Variants in SAMD4A observed in about 807,000 individuals in gnomAD.
The protein encoded by SAMD4A is sterile alpha motif domain containing 4A, also known as protein Smaug homolog 1.
SAMD4A carries 33 observed loss-of-function variants against 81.3 expected under a neutral mutation model. The ratio of observed to expected loss-of-function variants is 0.41; its 90% CI spans 0.31 to 0.54. The LOEUF (loss-of-function observed/expected upper bound fraction) is 0.54, where lower values mean the gene tolerates loss of function less well. SAMD4A is among the 20% of genes least tolerant of loss of function. The probability of loss-of-function intolerance (pLI) is 0.37; values close to 1 mark genes in which losing one functional copy is unlikely to be tolerated. For synonymous variants in SAMD4A, 389 were observed against 382.1 expected (o/e 1.02, Z -0.21); for missense variants, 854 against 951.1 (o/e 0.90, Z 1.34).
intron 2 of SAMD4A, chr14:54,652,946 C>G (rs1288339714): frequency 2.0e-5 from 3 of 152,194 alleles, no homozygotes; most frequent in Admixed American, 6.5e-5. Flanking sequence ...CTCTGTTCGT[C>G]TGCTAGTTCC....
At chr14:54,712,788 C>T (rs1344034586) in intron 3 of SAMD4A, among the ~76,000 whole-genome samples, 1 of 152,174 alleles carries the variant, frequency 6.6e-6, no homozygotes, top group Non-Finnish European at 1.5e-5. Context: ...CTCCATCCCC[C>T]ATCCAGGAAG....
At chr14:54,748,726 C>T (rs2038027219) in intron 4 of SAMD4A, 89 bp from the exon 5 acceptor site, 4 of 878,446 alleles carry the variant, frequency 4.6e-6, no homozygotes, top group Non-Finnish European at 7.3e-6. Flanking sequence ...CCATCACCCT[C>T]TTTTCCTTTC....
chr14:54,606,266 C>T (rs1469097665), intron 2 of SAMD4A, among the ~76,000 whole-genome samples: 2 of 151,900 alleles, frequency 1.3e-5, no homozygotes, highest in Non-Finnish European at 1.5e-5. Flanking sequence ...TACTTCCTTG[C>T]CATGGGCCTG....
chr14:54,745,975 A>G (rs2037959036), intron 4 of SAMD4A, among the ~76,000 whole-genome samples: 1 of 152,196 alleles, frequency 6.6e-6, no homozygotes, highest in Non-Finnish European at 1.5e-5. Context: ...GCATCCAACA[A>G]TGTGGCATTT....
chr14:54,703,853 C>A (rs7159411), intron 3 of SAMD4A: 33,405 of 151,776 alleles, frequency 0.22, 4,176 homozygotes, highest in African/African-American at 0.34. Context: ...TGGGCAATAG[C>A]ATGAGTCTCA....
chr14:54,655,205 A>G lies in SAMD4A; in HGVS notation c.197-46857A>G, dbSNP rs935966332. Among the ~76,000 whole-genome samples, 3 of 152,126 alleles carry G rather than the reference A, an allele frequency of 2.0e-5. No individual in the cohort carries two copies. In the South Asian group the frequency reaches 6.2e-4, roughly 32 times the overall value. On this transcript the variant is annotated intron_variant, in intron 2 of 12. Coordinates refer to ENST00000554335, the MANE Select transcript of SAMD4A (RefSeq NM_015589.6). ...GGATGAAAGATAGGCTTTTTCAGAG[A>G]CCACATTGATGGATCAGTCTGCCTC... is the stretch of plus-strand genomic sequence containing the variant.
At chr14:54,607,700 C>T (rs1176068117) in intron 2 of SAMD4A, among the ~76,000 whole-genome samples, 4 of 152,042 alleles carry the variant, frequency 2.6e-5, no homozygotes, top group South Asian at 2.1e-4. Context: ...GTGATCCGCC[C>T]GCCTCGGCCT....
At chr14:54,657,316 A>C (rs1299032853) in intron 2 of SAMD4A, among the ~76,000 whole-genome samples, 1 of 152,194 alleles carries the variant, frequency 6.6e-6, no homozygotes, top group African/African-American at 2.4e-5. Context: ...TAACACTGTC[A>C]ATTCCTACAT....
chr14:54,720,338 G>A (rs2037229484), intron 3 of SAMD4A, among the ~76,000 whole-genome samples: 1 of 152,018 alleles, frequency 6.6e-6, no homozygotes, highest in Non-Finnish European at 1.5e-5. Flanking sequence ...TCTTCTGTTT[G>A]TGTTGGACTC....
intron 2 of SAMD4A, among the ~76,000 whole-genome samples, chr14:54,604,849 A>G (rs537461223): frequency 6.6e-6 from 1 of 152,356 alleles, no homozygotes; most frequent in East Asian, 1.9e-4. Flanking sequence ...CCCAGCCTAA[A>G]AAACAGAACA....
intron 2 of SAMD4A, among the ~76,000 whole-genome samples, chr14:54,661,500 C>A (rs895475108): frequency 6.6e-6 from 1 of 152,154 alleles, no homozygotes; most frequent in Admixed American, 6.5e-5. Flanking sequence ...ATCTGCTATT[C>A]CAGAGTCTCC....
rs567682848 is a variant in SAMD4A, at chr14:54,753,605, C to T, written c.1176+2068C>T. On this transcript the variant is annotated intron_variant, in intron 6 of 12. Coordinates refer to ENST00000554335, the MANE Select transcript of SAMD4A (RefSeq NM_015589.6). Reference sequence around the variant, plus strand: ...CATAGACACAGTAACAGTCTGATCTCTCTTTCTTTTCCCTACACATATAGA... The same window carrying T: ...CATAGACACAGTAACAGTCTGATCTTTCTTTCTTTTCCCTACACATATAGA... 4.6e-5 allele frequency among the ~76,000 whole-genome samples: 7 copies of T among 152,174 alleles called. No homozygotes were observed. The East Asian group carries it at 1.4e-3, about 29-fold the overall frequency.
At chr14:54,582,637 A>G (rs551299616) in intron 2 of SAMD4A, among the ~76,000 whole-genome samples, 72 of 152,292 alleles carry the variant, frequency 4.7e-4, no homozygotes, top group African/African-American at 1.7e-3. Flanking sequence ...TGGATCCTGG[A>G]TTGGGAAAAA....
rs1465878501 is a variant in SAMD4A, at chr14:54,737,165, C to T, written c.857C>T (p.Ser286Phe). The change falls in exon 4 of 13, where the codon TCC (serine) becomes TTC (phenylalanine). Residue 286 changes from serine to phenylalanine, a missense_variant. Ser to Phe is a radical substitution (Grantham distance 155). Coordinates refer to ENST00000554335, the MANE Select transcript of SAMD4A (RefSeq NM_015589.6). ...LRARGPQCLP[S>F]DHAPLSPQSS... ...GCTAGAGGACCCCAGTGCCTCCCATCCGATCATGCCCCCCTGTCTCCACAA... is the reference window on the plus strand; with the variant it reads ...GCTAGAGGACCCCAGTGCCTCCCATTCGATCATGCCCCCCTGTCTCCACAA... The T allele has an allele frequency of 6.2e-7, 1 of 1,614,142 alleles. No individual in the cohort carries two copies. The highest frequency in any genetic ancestry group is 8.5e-7 in the Non-Finnish European group (1 of 1,180,022).
At chr14:54,673,255 T>C (rs2035923719) in intron 2 of SAMD4A, among the ~76,000 whole-genome samples, 1 of 152,176 alleles carries the variant, frequency 6.6e-6, no homozygotes, top group African/African-American at 2.4e-5. Context: ...GCAGCACATG[T>C]TTGTCCAGAG....
chr14:54,709,436 GC>G (rs2036936230), intron 3 of SAMD4A, among the ~76,000 whole-genome samples: 1 of 151,902 alleles, frequency 6.6e-6, no homozygotes, highest in Admixed American at 6.6e-5. Context: ...TCATCGAGAG[GC>G]AAGAGTATCT....
intron 2 of SAMD4A, among the ~76,000 whole-genome samples, chr14:54,684,442 C>T (rs934899635): frequency 7.2e-5 from 11 of 152,224 alleles, no homozygotes; most frequent in African/African-American, 2.7e-4. Context: ...GCGGGTGAGC[C>T]CATTGTGGTG....
At chr14:54,670,625 G>A (rs1403522673) in intron 2 of SAMD4A, among the ~76,000 whole-genome samples, 1 of 152,224 alleles carries the variant, frequency 6.6e-6, no homozygotes, top group African/African-American at 2.4e-5. Context: ...CTTATTGAAA[G>A]AATTACAAAT....
intron 9 of SAMD4A, among the ~76,000 whole-genome samples, chr14:54,774,054 G>C (rs1301870738): frequency 6.6e-6 from 1 of 152,224 alleles, no homozygotes; most frequent in African/African-American, 2.4e-5. Flanking sequence ...TTGCTATGTG[G>C]CCTCTCAAAA....
Sources: gnomAD v4.1 joint callset for allele counts (sites outside exome capture counted in the v4.1 genomes callset) on GRCh38, gnomAD v4.1.1 for gene constraint, MANE v1.5 for transcripts, NCBI Gene and HGNC (gene_info 2026-07-23, HGNC 2026-07-21) for gene names.